The following PRELID2 variants were observed in gnomAD, a reference collection of about 807,000 sequenced individuals.
PRELID2 encodes PRELI domain-containing protein 2.
Under a neutral mutation model 28.4 loss-of-function variants are expected in PRELID2, and 25 were observed. The observed-to-expected ratio is 0.88, with a 90% confidence interval of 0.64 to 1.23. The LOEUF (loss-of-function observed/expected upper bound fraction) is 1.23. Ranked by LOEUF, PRELID2 falls within the 50% of genes most tolerant of loss-of-function variation. The probability of loss-of-function intolerance (pLI) is 0.00; values close to 1 mark genes in which losing one functional copy is unlikely to be tolerated. For missense variants in PRELID2, 201 were observed against 214.4 expected, an observed-to-expected ratio of 0.94 and a Z score of 0.39; for synonymous variants, 76 against 71.6, an observed-to-expected ratio of 1.06 and a Z score of -0.31.
chr5:145,530,727 C>T (rs2126660706), intron 1 of PRELID2, among the ~76,000 whole-genome samples: 1 of 152,146 alleles, frequency 6.6e-6, no homozygotes, highest in Non-Finnish European at 1.5e-5. Context: ...TGAACAACAA[C>T]ACAATCACTA....
chr5:145,253,117 C>A, the PRELID2 span, among the ~76,000 whole-genome samples: 1 of 152,038 alleles, frequency 6.6e-6, no homozygotes, highest in African/African-American at 2.4e-5. Flanking sequence ...AAGTTGGCAA[C>A]CAACTTAGTA....
the PRELID2 span, among the ~76,000 whole-genome samples, chr5:145,379,982 C>T: frequency 2.0e-5 from 3 of 152,150 alleles, no homozygotes; most frequent in African/African-American, 4.8e-5. Context: ...CCAACAGTTC[C>T]TTTAGGGCTA....
At chr5:145,445,094 G>A in the PRELID2 span, among the ~76,000 whole-genome samples, 680 of 152,040 alleles carry the variant, frequency 4.5e-3, 2 homozygotes, top group Non-Finnish European at 7.0e-3. Flanking sequence ...GCAAAAAGAA[G>A]AAAGCCAGAG....
the PRELID2 span, among the ~76,000 whole-genome samples, chr5:145,375,495 C>T: frequency 3.9e-5 from 6 of 152,120 alleles, no homozygotes; most frequent in African/African-American, 1.4e-4. Context: ...AGCACTTTGT[C>T]CCTTGGTGGA....
chr5:145,729,326 T>C lies in PRELID2; in HGVS notation n.70+35605A>G. 3.3e-6 allele frequency: 3 copies of C among 895,646 alleles called. No homozygotes were observed. The South Asian group carries it at 4.6e-5, about 14-fold the overall frequency. The allele number at this position is 895,646 out of a possible 1,614,324, so 55.5% of individuals were successfully genotyped here. A position where few individuals can be genotyped will look rare whatever the true frequency, so the allele number is the denominator to read the frequency against. On this transcript the variant is annotated intron_variant and non_coding_transcript_variant, in intron 1 of 2. Transcript: ENST00000510259. ...CCTTGGGGCCTTGAGTCCAAATTTC[T>C]TTACATTTAGCCCATATCATGCCTC...
chr5:145,641,586 C>T (rs1754107128), intron 1 of PRELID2, among the ~76,000 whole-genome samples: 1 of 152,160 alleles, frequency 6.6e-6, no homozygotes, highest in African/African-American at 2.4e-5. Context: ...TAGGTATACA[C>T]TTGCCATGGT....
At chr5:145,728,024 C>G (rs1025171687) in intron 1 of PRELID2, among the ~76,000 whole-genome samples, 4 of 152,198 alleles carry the variant, frequency 2.6e-5, no homozygotes, top group Admixed American at 2.0e-4. Context: ...CAGATTTTGA[C>G]TGGACTTTGA....
At chr5:145,425,299 T>C in the PRELID2 span, among the ~76,000 whole-genome samples, 277 of 152,292 alleles carry the variant, frequency 1.8e-3, 1 homozygote, top group African/African-American at 6.3e-3. Flanking sequence ...CCTTTTACAC[T>C]GTTGGTGGAA....
chr5:145,390,733 C>T, the PRELID2 span, among the ~76,000 whole-genome samples: 276 of 152,236 alleles, frequency 1.8e-3, 2 homozygotes, highest in Admixed American at 0.014. Flanking sequence ...CAGCATTAAC[C>T]GAGAAGTCCA....
intron 1 of PRELID2, among the ~76,000 whole-genome samples, chr5:145,563,379 G>T (rs1434306076): frequency 6.6e-6 from 1 of 152,160 alleles, no homozygotes; most frequent in Non-Finnish European, 1.5e-5. Flanking sequence ...CATAACTGGA[G>T]CCACTGCCCT....
chr5:145,776,971 C>T (rs1452635956), intron 5 of PRELID2, among the ~76,000 whole-genome samples: 1 of 152,148 alleles, frequency 6.6e-6, no homozygotes, highest in Non-Finnish European at 1.5e-5. Context: ...AAAAAATTCA[C>T]AAATCCTTCA....
At chr5:145,266,730 AC>A in the PRELID2 span, among the ~76,000 whole-genome samples, 1 of 152,210 alleles carries the variant, frequency 6.6e-6, no homozygotes, top group Non-Finnish European at 1.5e-5. Flanking sequence ...TGAAAAAGAT[AC>A]TTGCACACAT....
At chr5:145,765,821 A>C (rs1304781600) in intron 5 of PRELID2, among the ~76,000 whole-genome samples, 1 of 152,148 alleles carries the variant, frequency 6.6e-6, no homozygotes, top group Non-Finnish European at 1.5e-5. Context: ...AAAACCTCCA[A>C]ATAAGTACTA....
chr5:145,254,980 T>A, the PRELID2 span, among the ~76,000 whole-genome samples: 1 of 151,542 alleles, frequency 6.6e-6, no homozygotes, highest in South Asian at 2.1e-4. Context: ...TGAATTTAAC[T>A]AAAGCAACAG....
At chr5:145,301,087 T>C in the PRELID2 span, among the ~76,000 whole-genome samples, 1,619 of 152,216 alleles carry the variant, frequency 0.011, 11 homozygotes, top group Middle Eastern at 0.027. Flanking sequence ...CCCAATGTGA[T>C]TGTGTTATTT....
At chr5:145,446,223 C>T in the PRELID2 span, among the ~76,000 whole-genome samples, 1 of 151,870 alleles carries the variant, frequency 6.6e-6, no homozygotes, top group Non-Finnish European at 1.5e-5. Context: ...TGTATGGAAA[C>T]ATCACCATGT....
chr5:145,442,580 A>G, the PRELID2 span, among the ~76,000 whole-genome samples: 1 of 152,030 alleles, frequency 6.6e-6, no homozygotes, highest in African/African-American at 2.4e-5. Flanking sequence ...ATATACCAGC[A>G]TTTATTATTA....
At chr5:145,324,098 C>A in the PRELID2 span, among the ~76,000 whole-genome samples, 1 of 152,102 alleles carries the variant, frequency 6.6e-6, no homozygotes. Flanking sequence ...ATATGCATTC[C>A]CTTTTCTCCA....
At chr5:145,612,717 T>C (rs1206740069) in intron 1 of PRELID2, among the ~76,000 whole-genome samples, 1 of 152,198 alleles carries the variant, frequency 6.6e-6, no homozygotes, top group Non-Finnish European at 1.5e-5. Context: ...GATGTTTGGT[T>C]TTCCATTCCT....
Sources: allele counts gnomAD v4.1 joint callset (sites outside exome capture counted in the v4.1 genomes callset), GRCh38; gene constraint gnomAD v4.1.1; transcripts MANE v1.5; gene names NCBI Gene and HGNC (gene_info 2026-07-23, HGNC 2026-07-21).